BPTF: variants seen among roughly 807,000 people sequenced by gnomAD.
The protein encoded by BPTF is nucleosome-remodeling factor subunit BPTF.
A neutral mutation model predicts 292.5 loss-of-function variants in BPTF; 18 were observed. The observed-to-expected ratio is 0.06, with a 90% CI of 0.04 to 0.09. The LOEUF (loss-of-function observed/expected upper bound fraction) is 0.09. Among genes scored for constraint, BPTF ranks in the 10% least tolerant of loss-of-function variants. The pLI is 1.00. For missense variants in BPTF, 2,726 were observed against 3,498.7 expected (o/e 0.78, Z 5.57); for synonymous variants, 1,225 against 1,251.9 (o/e 0.98, Z 0.45).
intron 11 of BPTF, among the ~76,000 whole-genome samples, chr17:67,917,793 C>G (rs1181172755): frequency 6.6e-6 from 1 of 151,846 alleles, no homozygotes; most frequent in African/African-American, 2.4e-5. Context: ...CCACCATGCC[C>G]AACTAAGTTT....
At chr17:67,964,729 G>T (rs538551634) in intron 25 of BPTF, among the ~76,000 whole-genome samples, 7 of 152,144 alleles carry the variant, frequency 4.6e-5, no homozygotes, top group African/African-American at 1.4e-4. Flanking sequence ...GGCCGGGCAT[G>T]GTGGCTCATG....
At chr17:67,870,766 CTTTTTT>C (rs11418428) in intron 3 of BPTF, among the ~76,000 whole-genome samples, 11 of 106,394 alleles carry the variant, frequency 1.0e-4, no homozygotes, top group Admixed American at 2.5e-4. Context: ...TGCTTCATTT[CTTTTTT>C]TTTTTTTTTT....
intron 1 of BPTF, among the ~76,000 whole-genome samples, chr17:67,848,333 T>C (rs189917610): frequency 6.6e-6 from 1 of 152,266 alleles, no homozygotes; most frequent in East Asian, 1.9e-4. Flanking sequence ...TTTTTTTAGT[T>C]GCTACAATAA....
At chr17:67,961,896 C>G (rs1441781515) in intron 24 of BPTF, among the ~76,000 whole-genome samples, 2 of 151,900 alleles carry the variant, frequency 1.3e-5, no homozygotes, top group African/African-American at 4.8e-5. Flanking sequence ...ATCGCTTGAA[C>G]CCGGGAGACT....
intron 2 of BPTF, among the ~76,000 whole-genome samples, chr17:67,857,586 C>T (rs1213113107): frequency 2.0e-5 from 3 of 151,398 alleles, no homozygotes; most frequent in East Asian, 1.9e-4. Context: ...CCTGCTTCAG[C>T]CCACCAAGTA....
In BPTF at chr17:67,846,494, G is replaced by A. The variant is rs573302787; in HGVS notation, c.614-7446G>A. ...TAGCCACGAGACACATGGCTATTAA[G>A]TAAGCACCTGAAATTTTTGTTCAGG... On this transcript the variant is annotated intron_variant, in intron 1 of 27. Transcript: ENST00000306378. Among the ~76,000 whole-genome samples the A allele has an allele frequency of 6.6e-4, 100 of 152,276 alleles. 1 individual carries two copies. In the Middle Eastern group the frequency reaches 0.014, roughly 21 times the overall value.
At chr17:67,977,673 C>G (rs1555694713) in intron 27 of BPTF, 2 of 150,970 alleles carry the variant, frequency 1.3e-5, no homozygotes, top group Non-Finnish European at 3.0e-5. Flanking sequence ...GAAACCCCGT[C>G]TCTACTAAAA....
At chr17:67,947,930 C>G in intron 22 of BPTF, 122 bp downstream of exon 22, 3 of 1,221,612 alleles carry the variant, frequency 2.5e-6, no homozygotes, top group Non-Finnish European at 3.4e-6. Flanking sequence ...ACACTTGGCA[C>G]TAATAGTTAC....
intron 4 of BPTF, among the ~76,000 whole-genome samples, chr17:67,886,817 T>C (rs115495912): frequency 1.8e-3 from 270 of 151,714 alleles, no homozygotes; most frequent in African/African-American, 6.3e-3. Context: ...ATTGAATTCA[T>C]TTTTTTTTAA....
intron 19 of BPTF, among the ~76,000 whole-genome samples, chr17:67,942,762 A>G (rs1053601611): frequency 1.2e-4 from 19 of 152,250 alleles, no homozygotes; most frequent in African/African-American, 4.6e-4. Flanking sequence ...AAATTGTAGT[A>G]TATTCCTACA....
chr17:67,906,389 T>C (rs1403120208), intron 9 of BPTF, among the ~76,000 whole-genome samples: 1 of 152,148 alleles, frequency 6.6e-6, no homozygotes, highest in Admixed American at 6.6e-5. Flanking sequence ...ATAAATAAGC[T>C]ATTAATTGAG....
chr17:67,838,622 G>C (rs1039350309), intron 1 of BPTF, among the ~76,000 whole-genome samples: 2 of 152,152 alleles, frequency 1.3e-5, no homozygotes, highest in Admixed American at 6.5e-5. Flanking sequence ...GACTACAGGT[G>C]CTCGCTGCCA....
chr17:67,842,578 T>C (rs1410799600), intron 1 of BPTF, among the ~76,000 whole-genome samples: 2 of 152,050 alleles, frequency 1.3e-5, no homozygotes, highest in African/African-American at 2.4e-5. Context: ...GTTATAAAAG[T>C]TTAGGTTCAA....
In BPTF at chr17:67,945,425, G is replaced by A. The variant is rs781993899; in HGVS notation, c.6717G>A (p.Arg2239=). 4.3e-6 allele frequency: 7 copies of A among 1,613,194 alleles called. No individual in the cohort carries two copies. Among genetic ancestry groups the A allele is most frequent in the African/African-American group, 1.3e-5 (1 of 74,842 alleles). ...STTAAGTGEQ[R]QSKLSPQMQV... ...TTTTTACAGGTACAGGTGAACAAAG[G>A]CAGAGTAAACTGTCACCCCAGATGC... The change falls in exon 21 of 28, where the codon AGG becomes AGA. Residue 2239 remains arginine, a synonymous_variant. Transcript: ENST00000306378.
intron 23 of BPTF, chr17:67,956,210 T>A (rs2148207691): frequency 6.8e-6 from 1 of 147,826 alleles, no homozygotes. Flanking sequence ...TCCCAGCTAC[T>A]CGGGAGGCTG....
intron 1 of BPTF, among the ~76,000 whole-genome samples, chr17:67,836,066 C>A (rs1279013956): frequency 6.6e-6 from 1 of 152,106 alleles, no homozygotes; most frequent in Non-Finnish European, 1.5e-5. Flanking sequence ...TTTGATAATT[C>A]AGAGAATTTC....
Position 67,940,479 on chromosome 17 carries a change from G to A in BPTF, c.6300G>A (p.Gln2100=). The change falls in exon 19 of 28, where the codon CAG becomes CAA. Residue 2100 remains glutamine (Q), a synonymous_variant. Transcript: ENST00000306378. ...QQVMTQIIRG[Q]PVSTAVSAPN... is the part of the protein sequence containing the mutation. ...TGATGACTCAAATCATCAGGGGGCA[G>A]CCTGTCTCCACTGCAGTCTCCGCCC... The A allele has an allele frequency of 6.2e-7, 1 of 1,614,164 alleles. No individual in the cohort carries two copies. The highest frequency in any genetic ancestry group is 1.6e-4 in the Middle Eastern group (1 of 6,062).
intron 27 of BPTF, among the ~76,000 whole-genome samples, chr17:67,978,772 T>C (rs560831072): frequency 7.2e-5 from 11 of 152,084 alleles, no homozygotes; most frequent in Non-Finnish European, 1.6e-4. Flanking sequence ...ACTCATACAT[T>C]AGATAATTTG....
intron 3 of BPTF, among the ~76,000 whole-genome samples, chr17:67,869,827 CAAAAAAAAAA>C (rs772941425): frequency 1.8e-5 from 1 of 56,426 alleles, no homozygotes; most frequent in African/African-American, 6.6e-5. Context: ...ACTAAAAATA[CAAAAAAAAAA>C]AAAAAAAAAA....
Sources: gnomAD v4.1 joint callset for allele counts (sites outside exome capture counted in the v4.1 genomes callset) on GRCh38, gnomAD v4.1.1 for gene constraint, MANE v1.5 for transcripts, NCBI Gene and HGNC (gene_info 2026-07-23, HGNC 2026-07-21) for gene names.